Variants in CACNA1A observed in about 807,000 individuals in gnomAD.
CACNA1A encodes the protein voltage-dependent P/Q-type calcium channel subunit alpha-1A.
CACNA1A carries 57 observed loss-of-function variants against 262.4 expected under a neutral mutation model. The ratio of observed to expected loss-of-function variants is 0.22; its 90% CI spans 0.18 to 0.27. The LOEUF (loss-of-function observed/expected upper bound fraction) is 0.27, where lower values mean the gene tolerates loss of function less well. CACNA1A is among the 10% of genes least tolerant of loss of function. CACNA1A has a pLI of 1.00. For missense variants in CACNA1A, 2,526 were observed against 3,562.8 expected, an observed-to-expected ratio of 0.71 and a Z score of 7.41; for synonymous variants, 1,431 against 1,419.3, an observed-to-expected ratio of 1.01 and a Z score of -0.18.
chr19:13,338,323 G>T lies in CACNA1A; in HGVS notation c.979-2414C>A, dbSNP rs759711476. ...ACCACTGTTACATATTTGATCTGTT[G>T]TTGACCAAAATGCCATTGTGCAGTG... On this transcript the variant is annotated intron_variant, in intron 6 of 46. Transcript: ENST00000360228. Among the ~76,000 whole-genome samples, 90 of 152,294 alleles carry T rather than the reference G, an allele frequency of 5.9e-4. 1 individual carries two copies. Among genetic ancestry groups the T allele is most frequent in the Non-Finnish European group, 6.0e-4 (41 of 68,022 alleles).
intron 46 of CACNA1A, among the ~76,000 whole-genome samples, 178 bp downstream of exon 46, chr19:13,208,577 TG>T (rs2054666935): frequency 6.6e-6 from 1 of 151,464 alleles, no homozygotes; most frequent in Admixed American, 6.6e-5. Context: ...GCTGGTGTGG[TG>T]GGGATCCGTG....
chr19:13,347,410 G>C (rs1355026786), intron 6 of CACNA1A, among the ~76,000 whole-genome samples: 3 of 151,964 alleles, frequency 2.0e-5, no homozygotes, highest in Non-Finnish European at 2.9e-5. Flanking sequence ...TCTTGACAAT[G>C]CACAAACTCT....
chr19:13,502,854 A>G (rs1478131152), intron 1 of CACNA1A, among the ~76,000 whole-genome samples: 1 of 152,202 alleles, frequency 6.6e-6, no homozygotes, highest in Non-Finnish European at 1.5e-5. Context: ...GCCAGAATTT[A>G]CATTTGGAAG....
At chr19:13,359,539 A>G in intron 6 of CACNA1A, 67 bp downstream of exon 6, 1 of 1,289,680 alleles carries the variant, frequency 7.8e-7, no homozygotes, top group South Asian at 1.3e-5. Context: ...TTGGAGTCTC[A>G]CTGGTCCCAG....
intron 3 of CACNA1A, among the ~76,000 whole-genome samples, chr19:13,412,204 G>C (rs2060122657): frequency 6.6e-6 from 1 of 151,020 alleles, no homozygotes; most frequent in Admixed American, 6.6e-5. Context: ...GCCGCCTCCA[G>C]TGTATTCTTT....
At chr19:13,396,031 C>T (rs2059805535) in intron 3 of CACNA1A, among the ~76,000 whole-genome samples, 1 of 152,222 alleles carries the variant, frequency 6.6e-6, no homozygotes. Context: ...GGACAATTTC[C>T]CCTGCAGCTT....
intron 28 of CACNA1A, among the ~76,000 whole-genome samples, chr19:13,255,993 C>CTTTTT (rs542786434): frequency 8.7e-6 from 1 of 115,364 alleles, no homozygotes; most frequent in Non-Finnish European, 1.7e-5. Flanking sequence ...TCCCTCCTTC[C>CTTTTT]TTTTTTTTTT....
intron 3 of CACNA1A, among the ~76,000 whole-genome samples, chr19:13,393,691 C>CTTTCTT (rs1568602516): frequency 1.3e-5 from 1 of 77,034 alleles, no homozygotes; most frequent in East Asian, 7.8e-4. Flanking sequence ...CTTTCCTTTT[C>CTTTCTT]TTTCTTTACC....
At chr19:13,317,038 G>T in intron 11 of CACNA1A, 74 bp downstream of exon 11, 1 of 951,234 alleles carries the variant, frequency 1.1e-6, no homozygotes, top group South Asian at 1.5e-5. Flanking sequence ...CATACTACCA[G>T]AGAAAGAGAA....
At chr19:13,233,681 G>A (rs1010788380) in intron 34 of CACNA1A, among the ~76,000 whole-genome samples, 9 of 151,918 alleles carry the variant, frequency 5.9e-5, no homozygotes, top group African/African-American at 2.2e-4. Context: ...TGTAGAGACG[G>A]GGTCTCACTA....
chr19:13,299,044 G>C lies in CACNA1A; in HGVS notation c.2589C>G (p.Arg863=). 6.2e-7 allele frequency: 1 copy of C among 1,600,340 alleles called. No individual in the cohort carries two copies. The highest frequency in any genetic ancestry group is 2.2e-5 in the East Asian group (1 of 44,682). Residue 863 remains arginine (R), a synonymous_variant, in exon 19 of 47, where the codon CGC becomes CGG. Transcript: ENST00000360228. ...RAEDFLRKQA[R]YHDRARDPSG... ...TGGGGTCCCGGGCCCGATCGTGGTAGCGGGCCTGTTTCCTGAGGAAGTCCT... is the reference window on the plus strand; with the variant it reads ...TGGGGTCCCGGGCCCGATCGTGGTACCGGGCCTGTTTCCTGAGGAAGTCCT...
intron 1 of CACNA1A, among the ~76,000 whole-genome samples, chr19:13,496,816 C>T (rs1209483103): frequency 6.6e-6 from 1 of 152,182 alleles, no homozygotes; most frequent in Non-Finnish European, 1.5e-5. Flanking sequence ...TCCACTCTTC[C>T]ATGTATAAAC....
intron 3 of CACNA1A, among the ~76,000 whole-genome samples, chr19:13,431,582 G>A (rs1015492260): frequency 1.3e-5 from 2 of 152,100 alleles, no homozygotes; most frequent in Non-Finnish European, 2.9e-5. Flanking sequence ...CCATGTTCAT[G>A]ACAGCACTCT....
In CACNA1A at chr19:13,214,355, G is replaced by C; in HGVS notation, c.5840-22C>G. ...GTGGCTGGGGGCACACACACGGTGA[G>C]CTCACCAAGGGCAGGCCTCTTTGGG... On this transcript the variant is annotated intron_variant, in intron 39 of 46. Transcript: ENST00000360228. This position sits in a 1 kb window ranked among gnomAD's most constrained non-coding sequence, Gnocchi z 4.1. 4 of 1,609,152 alleles carry C rather than the reference G, an allele frequency of 2.5e-6. No homozygotes were observed. The highest frequency in any genetic ancestry group is 3.4e-6 in the Non-Finnish European group (4 of 1,176,994).
At chr19:13,358,584 A>G (rs1294558841) in intron 6 of CACNA1A, among the ~76,000 whole-genome samples, 1 of 152,206 alleles carries the variant, frequency 6.6e-6, no homozygotes, top group Non-Finnish European at 1.5e-5. Flanking sequence ...TATGCTTATA[A>G]TTATAATTGC....
At chr19:13,418,052 G>A (rs1225093846) in intron 3 of CACNA1A, among the ~76,000 whole-genome samples, 1 of 152,054 alleles carries the variant, frequency 6.6e-6, no homozygotes, top group Non-Finnish European at 1.5e-5. Context: ...CAATATTTGT[G>A]TTGCAAATGA....
chr19:13,282,930 C>T (rs776743056), intron 22 of CACNA1A, among the ~76,000 whole-genome samples: 8 of 152,142 alleles, frequency 5.3e-5, no homozygotes, highest in Non-Finnish European at 8.8e-5. Flanking sequence ...TGAGCACCGC[C>T]CCTGCCCCAG....
intron 1 of CACNA1A, 149 bp downstream of exon 1, chr19:13,505,783 C>A (rs1982959690): frequency 5.6e-6 from 4 of 713,618 alleles, no homozygotes; most frequent in Admixed American, 2.3e-5. Flanking sequence ...CTTTCACACT[C>A]CTCCCGGTGC....
At chr19:13,332,102 C>T (rs2058477985) in intron 9 of CACNA1A, among the ~76,000 whole-genome samples, 1 of 152,212 alleles carries the variant, frequency 6.6e-6, no homozygotes, top group African/African-American at 2.4e-5. Flanking sequence ...ATGGTCCCTC[C>T]TTTCATATTC....
Sources: gnomAD v4.1 joint callset for allele counts (sites outside exome capture counted in the v4.1 genomes callset) on GRCh38, gnomAD v4.1.1 for gene constraint, Gnocchi (gnomAD v3.1) non-coding constraint, MANE v1.5 for transcripts, NCBI Gene and HGNC (gene_info 2026-07-23, HGNC 2026-07-21) for gene names.